The following ACSBG1 variants were observed in gnomAD, a reference collection of about 807,000 sequenced individuals.
ACSBG1 encodes the protein long-chain-fatty-acid--CoA ligase ACSBG1.
ACSBG1 carries 39 observed loss-of-function variants against 80.2 expected under a neutral mutation model. The ratio of observed to expected loss-of-function variants is 0.49; its 90% confidence interval spans 0.38 to 0.64. The LOEUF is 0.64. Among genes scored for constraint, ACSBG1 ranks in the 30% least tolerant of loss-of-function variants. The probability of loss-of-function intolerance (pLI) is 0.00; values close to 1 mark genes in which losing one functional copy is unlikely to be tolerated. For missense variants in ACSBG1, 828 were observed against 966.4 expected, an observed-to-expected ratio of 0.86 and a Z score of 1.90; for synonymous variants, 392 against 379.5, an observed-to-expected ratio of 1.03 and a Z score of -0.38.
chr15:78,176,308 G>T (rs1427881361), intron 11 of ACSBG1, among the ~76,000 whole-genome samples: 2 of 152,112 alleles, frequency 1.3e-5, no homozygotes, highest in Non-Finnish European at 2.9e-5. Context: ...TGTCCTGGAG[G>T]TCCTAACCTG....
At chr15:78,228,697 C>A (rs1046947546) in intron 1 of ACSBG1, among the ~76,000 whole-genome samples, 1 of 152,210 alleles carries the variant, frequency 6.6e-6, no homozygotes, top group African/African-American at 2.4e-5. Flanking sequence ...TGATCTTGGG[C>A]TCTTGACACC....
At chr15:78,218,703 G>T (rs1282052506) in intron 1 of ACSBG1, among the ~76,000 whole-genome samples, 3 of 151,820 alleles carry the variant, frequency 2.0e-5, no homozygotes, top group Middle Eastern at 3.4e-3. Flanking sequence ...GAAGTAACTT[G>T]CTAAAGGTTA....
At chr15:78,181,494 T>TTC (rs1308635208) in intron 8 of ACSBG1, among the ~76,000 whole-genome samples, 1 of 141,348 alleles carries the variant, frequency 7.1e-6, no homozygotes, top group Admixed American at 7.0e-5. Flanking sequence ...GGTTTCTTTT[T>TTC]TTTTTTTTTT....
intron 1 of ACSBG1, 93 bp from the exon 2 acceptor site, chr15:78,208,195 C>T (rs763535297): frequency 9.0e-6 from 8 of 893,036 alleles, no homozygotes; most frequent in Non-Finnish European, 1.4e-5. Context: ...ATCTCAGCAC[C>T]CCCAGGGGGA....
chr15:78,190,863 A>C (rs1402561569), intron 5 of ACSBG1, among the ~76,000 whole-genome samples: 1 of 150,126 alleles, frequency 6.7e-6, no homozygotes, highest in Non-Finnish European at 1.5e-5. Flanking sequence ...GACCAAAAGA[A>C]AACAAGATAA....
rs773856218 is a variant in ACSBG1, at chr15:78,234,513, T to C, written c.-12A>G. Reference sequence around the variant, plus strand: ...GAATTGCGTGGCATCTGCCTCGGGCTTCCACTGAAGACAGCTCAGTCACCC... The same window carrying C: ...GAATTGCGTGGCATCTGCCTCGGGCCTCCACTGAAGACAGCTCAGTCACCC... On this transcript the variant is annotated 5_prime_UTR_variant, in exon 1 of 14. Coordinates refer to ENST00000258873, the MANE Select transcript of ACSBG1 (RefSeq NM_015162.5). 6.2e-6 allele frequency: 10 copies of C among 1,608,596 alleles called. No homozygotes were observed. In the African/African-American group the frequency reaches 1.2e-4, roughly 19 times the overall value.
At position 78,178,508 on chromosome 15, in the gene ACSBG1, C is replaced by T. The variant is rs1032625969; in HGVS notation, c.1702+106G>A. 3 of 1,269,512 alleles carry T rather than the reference C, an allele frequency of 2.4e-6. No individual in the cohort carries two copies. The highest frequency in any genetic ancestry group is 3.2e-6 in the Non-Finnish European group (3 of 936,116). 78.6% of individuals were successfully genotyped at this position (1,269,512 alleles called of 1,614,324 possible). On this transcript the variant is annotated intron_variant, in intron 11 of 13. Transcript: ENST00000258873. This position sits in a 1 kb window ranked among gnomAD's most constrained non-coding sequence, Gnocchi z 4.3. ...GTAGAGATGGGGTTTCGCTGTGCTG[C>T]CCAGGGTGGTCTTGAACTCCTGAGC...
rs1187915599 is a variant in ACSBG1 at position 78,179,416 on chromosome 15, T to C, written c.1484+134A>G. On this transcript the variant is annotated intron_variant, in intron 10 of 13. Transcript: ENST00000258873. ...GCATTGTTGGCTCTCAGGGGCTCCA[T>C]AGCCCAGTGGCCAGGTCTCTGGGAC... The C allele has an allele frequency of 3.1e-5, 24 of 779,338 alleles. No homozygotes were observed. The Admixed American group carries it at 4.4e-4, about 14-fold the overall frequency. The allele number at this position is 779,338 out of a possible 1,614,324, so 48.3% of individuals were successfully genotyped here.
At chr15:78,171,660 C>A (rs2074824503) in intron 13 of ACSBG1, 131 bp from the exon 14 acceptor site, 2 of 704,812 alleles carry the variant, frequency 2.8e-6, no homozygotes, top group Non-Finnish European at 4.9e-6. Flanking sequence ...CCGTCAGTAG[C>A]CAGCCTCCAA....
rs769179599 is a variant in ACSBG1 at position 78,179,618 on chromosome 15, C to T, written c.1416G>A (p.Ala472=). Residue 472 remains alanine, a synonymous_variant, in exon 10 of 14, where the codon GCG becomes GCA. Transcript: ENST00000258873. ...FFLGLNIRLY[A]GYGLSETSGP... is the part of the protein sequence containing the mutation. ...CTGAGGTCTCACTGAGGCCGTAGCC[C>T]GCATACAAGCGGATGTTGAGACCCA... 1.1e-5 allele frequency: 18 copies of T among 1,614,012 alleles called. No individual in the cohort carries two copies. The highest frequency in any genetic ancestry group is 5.0e-5 in the Admixed American group (3 of 59,984).
At chr15:78,198,042 C>CA (rs1567088664) in intron 2 of ACSBG1, among the ~76,000 whole-genome samples, 1 of 151,862 alleles carries the variant, frequency 6.6e-6, no homozygotes. Flanking sequence ...TTTTTCTTTC[C>CA]TTTTTTTTGA....
At chr15:78,204,178 G>C (rs1436362535) in intron 2 of ACSBG1, among the ~76,000 whole-genome samples, 2 of 152,208 alleles carry the variant, frequency 1.3e-5, no homozygotes, top group Non-Finnish European at 2.9e-5. Context: ...CTGGGCCTCA[G>C]TTTCCCCATC....
chr15:78,179,046 A>C, intron 10 of ACSBG1: 1 of 577,452 alleles, frequency 1.7e-6, no homozygotes. Flanking sequence ...TGAAATGGTA[A>C]TGGTAGAACT....
At chr15:78,173,237 C>T (rs1332351731) in intron 13 of ACSBG1, among the ~76,000 whole-genome samples, 1 of 144,792 alleles carries the variant, frequency 6.9e-6, no homozygotes, top group Non-Finnish European at 1.5e-5. Flanking sequence ...CCCAGCTACT[C>T]GGGAGGCTGA....
In ACSBG1 at chr15:78,172,607, T is replaced by C. The variant is rs943135391; in HGVS notation, c.2089+986A>G. 6.6e-6 allele frequency among the ~76,000 whole-genome samples: 1 copy of C among 152,228 alleles called. No homozygotes were observed. Among genetic ancestry groups the C allele is most frequent in the African/African-American group, 2.4e-5 (1 of 41,466 alleles). ...CTGCTTAGTGAAGACATCTTCTGTC[T>C]CTCTGACCTTGCGTTCAATATGCTG... On this transcript the variant is annotated intron_variant, in intron 13 of 13. Transcript: ENST00000258873. The surrounding 1 kb of genome is among the most constrained non-coding windows in gnomAD (Gnocchi z 4.1).
At chr15:78,221,374 C>T (rs1198876492) in intron 1 of ACSBG1, among the ~76,000 whole-genome samples, 4 of 152,178 alleles carry the variant, frequency 2.6e-5, no homozygotes, top group Non-Finnish European at 5.9e-5. Context: ...TGTGCCCAGA[C>T]GTGCACGTAG....
At position 78,178,705 on chromosome 15, in the gene ACSBG1, A is replaced by G. The variant is rs936447156; in HGVS notation, c.1611T>C (p.Cys537=). Residue 537 remains cysteine (C), a synonymous_variant, in exon 11 of 14, where the codon TGT becomes TGC. Transcript: ENST00000258873. This position sits in a 1 kb window ranked among gnomAD's most constrained non-coding sequence, Gnocchi z 4.3. ...MGYLNMEDKT[C]EAIDEEGWLH... ...GCCAGCCTTCCTCGTCGATGGCCTC[A>G]CAAGTCTTGTCCTCCATGTTCAGGT... The G allele has an allele frequency of 6.2e-7, 1 of 1,614,122 alleles. No individual in the cohort carries two copies. The highest frequency in any genetic ancestry group is 1.1e-5 in the South Asian group (1 of 91,060).
intron 13 of ACSBG1, chr15:78,171,795 T>A (rs1389254539): frequency 6.5e-6 from 2 of 307,594 alleles, no homozygotes; most frequent in East Asian, 6.1e-5. Flanking sequence ...TTATAAAAGA[T>A]CAGTTTCTTT....
intron 1 of ACSBG1, chr15:78,212,606 G>A (rs1192244799): frequency 4.4e-6 from 2 of 455,468 alleles, no homozygotes; most frequent in Non-Finnish European, 8.8e-6. Flanking sequence ...CATGGTGCCT[G>A]GGGGGTGGCT....
Sources: gnomAD v4.1 joint callset for allele counts (sites outside exome capture counted in the v4.1 genomes callset) on GRCh38, gnomAD v4.1.1 for gene constraint, Gnocchi (gnomAD v3.1) non-coding constraint, MANE v1.5 for transcripts, NCBI Gene and HGNC (gene_info 2026-07-23, HGNC 2026-07-21) for gene names.